JADE2: variants seen among roughly 807,000 people sequenced by gnomAD.
The protein encoded by JADE2 is jade family PHD finger 2.
JADE2 carries 13 observed loss-of-function variants against 85.7 expected under a neutral mutation model. That is an observed-to-expected ratio of 0.15 (90% CI 0.10 to 0.24). The LOEUF is 0.24. Among genes scored for constraint, JADE2 ranks in the 10% least tolerant of loss-of-function variants. The pLI is 1.00. For synonymous variants in JADE2, 440 were observed against 456.1 expected (o/e 0.96, Z 0.45); for missense variants, 846 against 1,115.9 (o/e 0.76, Z 3.45).
intron 3 of JADE2, among the ~76,000 whole-genome samples, chr5:134,548,124 C>G (rs1762397000): frequency 6.6e-6 from 1 of 152,258 alleles, no homozygotes; most frequent in Non-Finnish European, 1.5e-5. Flanking sequence ...GCCTCATTGG[C>G]TCTGCAGTTC....
At chr5:134,527,164 C>T (rs1215634743) in intron 1 of JADE2, among the ~76,000 whole-genome samples, 1 of 151,884 alleles carries the variant, frequency 6.6e-6, no homozygotes, top group African/African-American at 2.4e-5. Context: ...CCCGGCCCCG[C>T]CCCGCCCCCG....
intron 10 of JADE2, among the ~76,000 whole-genome samples, chr5:134,576,157 C>T (rs930378303): frequency 6.6e-6 from 1 of 152,150 alleles, no homozygotes; most frequent in African/African-American, 2.4e-5. Context: ...TATGATTGTA[C>T]TACTGCGCTC....
In JADE2 at chr5:134,578,622, C is replaced by T. The variant is rs1764530733; in HGVS notation, c.1810C>T (p.Pro604Ser). Residue 604 changes from proline (P) to serine (S), a missense_variant, in exon 12 of 12, where the codon CCT becomes TCT. Physicochemically the swap from Pro to Ser is moderately conservative, Grantham distance 74. This residue lies in a region of JADE2 where 119 missense variants were observed against 163.9 expected (regional missense o/e 0.73). Coordinates refer to ENST00000681547, the MANE Select transcript of JADE2 (RefSeq NM_001388185.1). This position sits in a 1 kb window ranked among gnomAD's most constrained non-coding sequence, Gnocchi z 4.4. Reference sequence around the variant, plus strand: ...ACTGAACAATGGGCACCGCGAGGACCCTGCTCCAGGGCTGCTGTCAGAGGA... The same window carrying T: ...ACTGAACAATGGGCACCGCGAGGACTCTGCTCCAGGGCTGCTGTCAGAGGA... ...WPLNNGHRED[P>S]APGLLSEELL... 2 of 1,614,154 alleles carry T rather than the reference C, an allele frequency of 1.2e-6. No individual in the cohort carries two copies. Among genetic ancestry groups the T allele is most frequent in the East Asian group, 2.2e-5 (1 of 44,884 alleles).
Position 134,566,041 on chromosome 5 carries a change from G to A in JADE2, c.970-75G>A. 1 of 1,306,638 alleles carries A rather than the reference G, an allele frequency of 7.7e-7. No homozygotes were observed. The highest frequency in any genetic ancestry group is 1.3e-5 in the South Asian group (1 of 75,006). 80.9% of individuals were successfully genotyped at this position (1,306,638 alleles called of 1,614,324 possible). ...CATTGCGCATTCTCAGTAGAGCCCTGGGGGAAGCCCCTCTGTCTTCTCCCC... is the reference window on the plus strand; with the variant it reads ...CATTGCGCATTCTCAGTAGAGCCCTAGGGGAAGCCCCTCTGTCTTCTCCCC... On this transcript the variant is annotated intron_variant, in intron 8 of 11. Transcript: ENST00000681547. The surrounding 1 kb of genome is among the most constrained non-coding windows in gnomAD (Gnocchi z 6.7).
At chr5:134,544,669 T>C (rs147123090) in intron 3 of JADE2, 53 of 161,828 alleles carry the variant, frequency 3.3e-4, no homozygotes, top group African/African-American at 1.2e-3. Context: ...ACATCCCTAG[T>C]TGCATGTACC....
At chr5:134,533,092 G>A (rs1406828125) in intron 1 of JADE2, among the ~76,000 whole-genome samples, 1 of 151,938 alleles carries the variant, frequency 6.6e-6, no homozygotes, top group African/African-American at 2.4e-5. Context: ...TCTGCATGCT[G>A]TCACCTGTTG....
intron 1 of JADE2, among the ~76,000 whole-genome samples, chr5:134,531,897 T>TTTTTTC (rs1761267626): frequency 7.6e-6 from 1 of 132,162 alleles, no homozygotes; most frequent in Non-Finnish European, 1.6e-5. Context: ...TTTTTTTTTT[T>TTTTTTC]TTTTTTTTTT....
chr5:134,537,718 A>G (rs1475638608), intron 2 of JADE2, among the ~76,000 whole-genome samples: 1 of 152,128 alleles, frequency 6.6e-6, no homozygotes, highest in Non-Finnish European at 1.5e-5. Flanking sequence ...AGGGCCAAGG[A>G]CTTGTCTGGG....
chr5:134,573,815 G>T (rs1381067619), intron 10 of JADE2, 53 bp downstream of exon 10: 2 of 1,137,798 alleles, frequency 1.8e-6, no homozygotes, highest in East Asian at 2.3e-5. Flanking sequence ...TCTCTTGCGG[G>T]GCTGGGTCCC....
intron 10 of JADE2, chr5:134,574,069 GAGA>G (rs1234533239): frequency 2.4e-6 from 1 of 424,294 alleles, no homozygotes; most frequent in East Asian, 5.2e-5. Flanking sequence ...AACAGGTACA[GAGA>G]AGAAGTCCTA....
At chr5:134,545,746 A>C (rs1401761111) in intron 3 of JADE2, among the ~76,000 whole-genome samples, 1 of 152,220 alleles carries the variant, frequency 6.6e-6, no homozygotes, top group African/African-American at 2.4e-5. Context: ...ACTTTAACAT[A>C]ATACCTGACA....
rs754065220 is a variant in JADE2 at position 134,560,965 on chromosome 5, G to A, written c.684+8G>A. ...AACGTCTGTGTGCATCAGGTGGGCA[G>A]ACCCCCCAGTCACCCTCACCTGTGC... On this transcript the variant is annotated splice_region_variant and intron_variant, in intron 6 of 11. Transcript: ENST00000681547. 12 of 1,609,070 alleles carry A rather than the reference G, an allele frequency of 7.5e-6. No individual in the cohort carries two copies. The highest frequency in any genetic ancestry group is 1.0e-5 in the Non-Finnish European group (12 of 1,176,684).
chr5:134,565,714 C>T (rs1289700852), intron 8 of JADE2, among the ~76,000 whole-genome samples: 1 of 151,894 alleles, frequency 6.6e-6, no homozygotes, highest in African/African-American at 2.4e-5. Flanking sequence ...ATGCCTGTAG[C>T]CCTAGCTACT....
chr5:134,568,036 AT>A (rs1160846028), intron 9 of JADE2, among the ~76,000 whole-genome samples: 2 of 152,124 alleles, frequency 1.3e-5, no homozygotes, highest in Non-Finnish European at 2.9e-5. Flanking sequence ...CACCCGCTGG[AT>A]CTCCAGTGGA....
chr5:134,526,891 C>T, intron 1 of JADE2: 1 of 545,470 alleles, frequency 1.8e-6, no homozygotes, highest in Non-Finnish European at 2.3e-6. Context: ...CGGCGGCGGC[C>T]GGAGCGGCGG....
Position 134,581,806 on chromosome 5 carries a change from A to G in JADE2, c.*2489A>G, listed in dbSNP as rs925533727. 6.6e-6 allele frequency: 1 copy of G among 152,418 alleles called. No homozygotes were observed. The highest frequency in any genetic ancestry group is 6.5e-5 in the Admixed American group (1 of 15,282). The allele number at this position is 152,418 out of a possible 1,614,324, so 9.4% of individuals were successfully genotyped here. On this transcript the variant is annotated 3_prime_UTR_variant, in exon 12 of 12. Transcript: ENST00000681547. ...GGGGTGCCCTTTCACTCCCAGGCCA[A>G]GCCCTGGAGCAATCTTCTTCAGGCA...
intron 9 of JADE2, among the ~76,000 whole-genome samples, chr5:134,569,171 C>T (rs1349360559): frequency 1.3e-5 from 2 of 152,134 alleles, no homozygotes; most frequent in Non-Finnish European, 2.9e-5. Flanking sequence ...CATTGTTGGC[C>T]GTGATTGTTG....
chr5:134,554,694 G>A (rs1421470688), intron 4 of JADE2, among the ~76,000 whole-genome samples: 2 of 152,112 alleles, frequency 1.3e-5, no homozygotes, highest in Non-Finnish European at 2.9e-5. Flanking sequence ...GGAGAGGATG[G>A]ACTGGGGGTG....
intron 4 of JADE2, among the ~76,000 whole-genome samples, chr5:134,555,352 C>T (rs1581439137): frequency 6.6e-6 from 1 of 152,228 alleles, no homozygotes; most frequent in Non-Finnish European, 1.5e-5. Flanking sequence ...CCTCCCCTCC[C>T]ATAGATCCCA....
Sources: allele counts gnomAD v4.1 joint callset (sites outside exome capture counted in the v4.1 genomes callset), GRCh38; gene constraint gnomAD v4.1.1; regional missense constraint gnomAD v4.1.1; non-coding constraint Gnocchi (gnomAD v3.1); transcripts MANE v1.5; gene names NCBI Gene and HGNC (gene_info 2026-07-23, HGNC 2026-07-21).